MAPK14: variants seen among roughly 807,000 people sequenced by gnomAD.
The protein encoded by MAPK14 is CSAID-binding protein.
In MAPK14, 16 loss-of-function variants were observed where a neutral mutation model predicts 49.6. The observed-to-expected ratio is 0.32, with a 90% CI of 0.22 to 0.49. The LOEUF (loss-of-function observed/expected upper bound fraction) is 0.49. MAPK14 is among the 20% of genes least tolerant of loss of function. The probability of loss-of-function intolerance (pLI) is 0.99; values close to 1 mark genes in which losing one functional copy is unlikely to be tolerated. For missense variants in MAPK14, 200 were observed against 441.2 expected, an observed-to-expected ratio of 0.45 and a Z score of 4.90; for synonymous variants, 142 against 158.0, an observed-to-expected ratio of 0.90 and a Z score of 0.76.
chr6:36,041,768 G>C (rs1762969250), intron 1 of MAPK14, among the ~76,000 whole-genome samples: 2 of 152,158 alleles, frequency 1.3e-5, no homozygotes, highest in South Asian at 4.1e-4. Flanking sequence ...AAATATATAG[G>C]TATAAATATT....
intron 3 of MAPK14, among the ~76,000 whole-genome samples, chr6:36,061,522 C>T (rs851016): frequency 0.89 from 135,181 of 152,262 alleles, 60,163 homozygotes; most frequent in East Asian, 1. Context: ...AGCAGGAATC[C>T]GTTCTTTCTA....
At chr6:36,031,675 G>A (rs603869) in intron 1 of MAPK14, among the ~76,000 whole-genome samples, 7,162 of 152,252 alleles carry the variant, frequency 0.047, 416 homozygotes, top group African/African-American at 0.13. Context: ...AAAGTGCTGA[G>A]ATTACAGGGG....
chr6:36,111,892 G>C (rs780573800), downstream of MAPK14, among the ~76,000 whole-genome samples: 1 of 152,146 alleles, frequency 6.6e-6, no homozygotes, highest in Non-Finnish European at 1.5e-5. Context: ...TGTTACATGG[G>C]GTCCTTTAGC....
chr6:36,076,131 G>C (rs936116841), intron 7 of MAPK14, among the ~76,000 whole-genome samples, 169 bp downstream of exon 7: 4 of 152,048 alleles, frequency 2.6e-5, no homozygotes, highest in African/African-American at 9.7e-5. Context: ...GGGGAAGTGG[G>C]GTTTTATACA....
intron 8 of MAPK14, among the ~76,000 whole-genome samples, chr6:36,094,712 G>A (rs564849807): frequency 7.2e-5 from 11 of 152,272 alleles, no homozygotes; most frequent in African/African-American, 2.6e-4. Context: ...CAGATGTTAG[G>A]CTGGGGATAA....
chr6:36,059,291 G>T lies in MAPK14; in HGVS notation c.249G>T (p.Val83=), dbSNP rs1763709344. ...RLLKHMKHEN[V]IGLLDVFTPA... ...TTAATTTTTATATTTTCTTACAGGT[G>T]ATTGGTCTGTTGGACGTTTTTACAC... The change falls in exon 3 of 12, where the codon GTG becomes GTT. Residue 83 remains valine, a splice_region_variant and synonymous_variant. Transcript: ENST00000229794. 2.5e-6 allele frequency: 4 copies of T among 1,591,314 alleles called. No homozygotes were observed. Among genetic ancestry groups the T allele is most frequent in the Non-Finnish European group, 8.6e-7 (1 of 1,159,856 alleles).
At chr6:36,059,484 G>A in intron 3 of MAPK14, 137 bp downstream of exon 3, 1 of 673,244 alleles carries the variant, frequency 1.5e-6, no homozygotes, top group East Asian at 2.6e-5. Context: ...TTTGGGTGTA[G>A]GGATGGATAC....
chr6:36,038,564 G>C (rs1370052953), intron 1 of MAPK14, among the ~76,000 whole-genome samples: 10 of 152,214 alleles, frequency 6.6e-5, no homozygotes, highest in Non-Finnish European at 1.0e-4. Context: ...CAAGTTTTTC[G>C]TTTCGGTTCC....
chr6:36,089,516 C>T lies in MAPK14; in HGVS notation c.683-6471C>T, dbSNP rs541113986. Among the ~76,000 whole-genome samples, 10 of 152,260 alleles carry T rather than the reference C, an allele frequency of 6.6e-5. No homozygotes were observed. In the South Asian group the frequency reaches 1.9e-3, roughly 28 times the overall value. ...TTACCTATGTAACAAACCTGCACAT[C>T]CTGCACTTGTATCTCAGAACTTTAA... On this transcript the variant is annotated intron_variant, in intron 8 of 11. Transcript: ENST00000229794.
At chr6:36,059,160 G>C (rs913458941) in intron 2 of MAPK14, 129 bp from the exon 3 acceptor site, 3 of 555,866 alleles carry the variant, frequency 5.4e-6, no homozygotes, top group Non-Finnish European at 9.2e-6. Context: ...AAAGTGTTGG[G>C]ATTACAGGCG....
chr6:36,041,499 A>G (rs115354204), intron 1 of MAPK14, among the ~76,000 whole-genome samples: 284 of 152,328 alleles, frequency 1.9e-3, no homozygotes, highest in Non-Finnish European at 3.2e-3. Flanking sequence ...TTCTAAATCT[A>G]TTGAGATGTA....
At chr6:36,104,123 A>C (rs1765727262) in intron 10 of MAPK14, among the ~76,000 whole-genome samples, 1 of 152,176 alleles carries the variant, frequency 6.6e-6, no homozygotes, top group African/African-American at 2.4e-5. Context: ...AGTTTTGGGC[A>C]GTTGTGGATG....
intron 1 of MAPK14, among the ~76,000 whole-genome samples, chr6:36,041,663 G>A (rs1762966098): frequency 6.6e-6 from 1 of 152,166 alleles, no homozygotes; most frequent in Admixed American, 6.5e-5. Context: ...ACTGATGACT[G>A]ACAGTAGTTA....
At chr6:36,030,681 C>CT (rs1762506726) in intron 1 of MAPK14, among the ~76,000 whole-genome samples, 1 of 81,498 alleles carries the variant, frequency 1.2e-5, no homozygotes, top group Non-Finnish European at 2.4e-5. Context: ...TGCGAGACGC[C>CT]GTCTCAAAAA....
At chr6:36,092,621 G>T in intron 8 of MAPK14, 1 of 409,220 alleles carries the variant, frequency 2.4e-6, no homozygotes, top group South Asian at 2.0e-5. Flanking sequence ...TCCATTCTGA[G>T]ACAATTCAGT....
rs1364142255 is a variant in MAPK14, at chr6:36,109,287, T to G, written c.*840T>G. The stretch of plus-strand genomic sequence containing the variant: ...TTACCCTTCACCTTTGGTGCAGAGG[T>G]TTCTTGAATATCTGCCCCAGTAGTC... On this transcript the variant is annotated 3_prime_UTR_variant, in exon 12 of 12. Transcript: ENST00000229794. 1 of 152,492 alleles carries G rather than the reference T, an allele frequency of 6.6e-6. No homozygotes were observed. Among genetic ancestry groups the G allele is most frequent in the Non-Finnish European group, 1.5e-5 (1 of 68,070 alleles). 9.4% of individuals were successfully genotyped at this position (152,492 alleles called of 1,614,324 possible). A position where few individuals can be genotyped will look rare whatever the true frequency, so the allele number is the denominator to read the frequency against.
rs1041086620 is a variant in MAPK14 at position 36,111,086 on chromosome 6, C to T, written c.*2639C>T. ...GGCCTGAGGGCCAAATCTGGCCCAC[C>T]ACCTGTTTGGTGTAGCCTGCTAAGA... On this transcript the variant is annotated 3_prime_UTR_variant, in exon 12 of 12. Coordinates refer to ENST00000229794, the MANE Select transcript of MAPK14 (RefSeq NM_139012.3). The T allele has an allele frequency of 1.3e-5, 2 of 152,026 alleles. No individual in the cohort carries two copies. The highest frequency in any genetic ancestry group is 3.9e-4 in the East Asian group (2 of 5,184). 9.4% of individuals were successfully genotyped at this position (152,026 alleles called of 1,614,324 possible).
At chr6:36,033,759 A>G (rs1326657498) in intron 1 of MAPK14, among the ~76,000 whole-genome samples, 1 of 152,212 alleles carries the variant, frequency 6.6e-6, no homozygotes, top group Non-Finnish European at 1.5e-5. Flanking sequence ...TTTGCCTTTC[A>G]TGGGCAAGAG....
the MAPK14 span, among the ~76,000 whole-genome samples, chr6:36,116,902 A>G: frequency 5.9e-5 from 9 of 152,230 alleles, no homozygotes; most frequent in South Asian, 2.1e-4. Context: ...TCACGTTACA[A>G]CTGAGGCTAG....
Sources: gnomAD v4.1 joint callset for allele counts (sites outside exome capture counted in the v4.1 genomes callset) on GRCh38, gnomAD v4.1.1 for gene constraint, MANE v1.5 for transcripts, NCBI Gene and HGNC (gene_info 2026-07-23, HGNC 2026-07-21) for gene names.